The following CACNA1D variants were observed in gnomAD, a reference collection of about 807,000 sequenced individuals.
CACNA1D encodes the protein calcium voltage-gated channel subunit alpha1 D.
A neutral mutation model predicts 257.1 loss-of-function variants in CACNA1D; 55 were observed. The ratio of observed to expected loss-of-function variants is 0.21; its 90% CI spans 0.17 to 0.27. The LOEUF is 0.27. Ranked by LOEUF, CACNA1D falls within the 10% of genes least tolerant of loss-of-function variation. The pLI is 1.00. For missense variants in CACNA1D, 1,876 were observed against 2,784.0 expected (o/e 0.67, Z 7.34); for synonymous variants, 980 against 1,014.9 (o/e 0.97, Z 0.65).
intron 3 of CACNA1D, among the ~76,000 whole-genome samples, chr3:53,502,255 G>A (rs116259816): frequency 1.3e-5 from 2 of 151,944 alleles, no homozygotes; most frequent in African/African-American, 4.8e-5. Flanking sequence ...TAATATTAAA[G>A]TTTCTACTCC....
rs967215889 is a variant in CACNA1D, at chr3:53,789,098, C to G, written c.4923+2146C>G. ...GCGGCAGGTTGTGGGTTAAAAGACT[C>G]TTTTTGTGTTGCAATAATGTTGAGG... On this transcript the variant is annotated intron_variant, in intron 40 of 47. Transcript: ENST00000350061. This position sits in a 1 kb window ranked among gnomAD's most constrained non-coding sequence, Gnocchi z 4.2. 2.0e-5 allele frequency among the ~76,000 whole-genome samples: 3 copies of G among 152,142 alleles called. No individual in the cohort carries two copies. The highest frequency in any genetic ancestry group is 4.4e-5 in the Non-Finnish European group (3 of 68,026).
chr3:53,804,014 G>T (rs904051937), intron 44 of CACNA1D, among the ~76,000 whole-genome samples: 3 of 152,186 alleles, frequency 2.0e-5, no homozygotes, highest in Non-Finnish European at 2.9e-5. Flanking sequence ...CCACTTCAAG[G>T]GGTCTCTCGG....
intron 8 of CACNA1D, among the ~76,000 whole-genome samples, chr3:53,682,386 A>AAAAAAAAAAAAAAAAAAAAAAAAC (rs2094440023): frequency 6.8e-6 from 1 of 147,226 alleles, no homozygotes; most frequent in Non-Finnish European, 1.5e-5. Context: ...AAAAAAAAAA[A>AAAAAAAAAAAAAAAAAAAAAAAAC]AAAAAAAAAA....
At chr3:53,640,807 C>G (rs569536737) in intron 3 of CACNA1D, among the ~76,000 whole-genome samples, 1 of 152,338 alleles carries the variant, frequency 6.6e-6, no homozygotes, top group Admixed American at 6.5e-5. Context: ...ACATGTGACA[C>G]TGCCTCAGGG....
At chr3:53,786,374 A>G (rs2095452967) in intron 39 of CACNA1D, 2 of 186,940 alleles carry the variant, frequency 1.1e-5, no homozygotes, top group Admixed American at 5.4e-5. Context: ...CTAGGTCTCT[A>G]TCTTGAGACA....
intron 9 of CACNA1D, among the ~76,000 whole-genome samples, chr3:53,711,774 TA>T (rs979472274): frequency 7.9e-5 from 12 of 152,206 alleles, no homozygotes; most frequent in Non-Finnish European, 1.2e-4. Context: ...TCAGAAGGCC[TA>T]AAAGTGAAAA....
chr3:53,744,642 A>G (rs2095150359), intron 22 of CACNA1D, 98 bp from the exon 23 acceptor site: 1 of 798,090 alleles, frequency 1.3e-6, no homozygotes, highest in Non-Finnish European at 2.3e-6. Context: ...CTAACTGTGC[A>G]GGGATACTAA....
chr3:53,520,569 C>T (rs2091514263), intron 3 of CACNA1D, among the ~76,000 whole-genome samples: 2 of 152,176 alleles, frequency 1.3e-5, no homozygotes, highest in South Asian at 4.1e-4. Context: ...AGTTCGAGAC[C>T]AGCCTGGCCA....
intron 10 of CACNA1D, chr3:53,718,833 C>A: frequency 8.7e-7 from 1 of 1,148,992 alleles, no homozygotes; most frequent in Non-Finnish European, 1.3e-6. Context: ...GAATGTGCTA[C>A]GTATTTAAGT....
chr3:53,666,737 C>T (rs1183907382), intron 7 of CACNA1D, among the ~76,000 whole-genome samples: 5 of 152,140 alleles, frequency 3.3e-5, no homozygotes, highest in East Asian at 1.9e-4. Context: ...AGCTGCTGCG[C>T]GATGTTGGCT....
At chr3:53,788,850 C>T (rs1377131015) in intron 40 of CACNA1D, among the ~76,000 whole-genome samples, 1 of 152,180 alleles carries the variant, frequency 6.6e-6, no homozygotes, top group Non-Finnish European at 1.5e-5. Flanking sequence ...CTTGCATTTT[C>T]TGTGAGAGGC....
intron 30 of CACNA1D, chr3:53,762,657 T>C: frequency 2.2e-6 from 1 of 456,592 alleles, no homozygotes; most frequent in South Asian, 1.5e-5. Flanking sequence ...CTTTGTGTCC[T>C]ATATCATGGT....
chr3:53,613,380 G>A (rs116307006), intron 3 of CACNA1D, among the ~76,000 whole-genome samples: 1 of 152,132 alleles, frequency 6.6e-6, no homozygotes, highest in Non-Finnish European at 1.5e-5. Flanking sequence ...TCTCAGTAAT[G>A]ATAGTTGTTC....
intron 46 of CACNA1D, 58 bp from the exon 47 acceptor site, chr3:53,809,920 G>T (rs1381826887): frequency 6.5e-7 from 1 of 1,539,840 alleles, no homozygotes; most frequent in East Asian, 2.2e-5. Context: ...TGCGCAGAAG[G>T]TTTGAGGCCC....
At chr3:53,532,017 C>T (rs906495921) in intron 3 of CACNA1D, among the ~76,000 whole-genome samples, 4 of 152,268 alleles carry the variant, frequency 2.6e-5, no homozygotes, top group Middle Eastern at 3.4e-3. Context: ...ACTCAGTAAG[C>T]GCTCTCCCAA....
rs2095534256 is a variant in CACNA1D, at chr3:53,801,227, GTCATAACCA to G, written c.5221_5229del (p.His1741_His1743del). 2 of 1,613,954 alleles carry G rather than the reference GTCATAACCA, an allele frequency of 1.2e-6. No homozygotes were observed. Among genetic ancestry groups the G allele is most frequent in the Non-Finnish European group, 1.7e-6 (2 of 1,179,990 alleles). On this transcript the variant is annotated inframe_deletion, in exon 42 of 48. Coordinates refer to ENST00000350061, the MANE Select transcript of CACNA1D (RefSeq NM_001128840.3). ...TTTCCTCCAGCAGGAAATTCGGTGT[GTCATAACCA>G]TCATAACCATAATTCCATAGGAAAG...
chr3:53,701,386 C>T (rs1352756985), intron 8 of CACNA1D, among the ~76,000 whole-genome samples: 1 of 152,180 alleles, frequency 6.6e-6, no homozygotes, highest in Non-Finnish European at 1.5e-5. Flanking sequence ...CCCACCTTGG[C>T]TTCCCAAAGT....
intron 8 of CACNA1D, among the ~76,000 whole-genome samples, chr3:53,700,975 G>C (rs2633732): frequency 0.048 from 7,256 of 150,714 alleles, 589 homozygotes; most frequent in African/African-American, 0.17. Context: ...CTCTGTCTGA[G>C]TGGGATTCTT....
At chr3:53,708,983 T>C (rs1458839383) in intron 9 of CACNA1D, among the ~76,000 whole-genome samples, 1 of 152,222 alleles carries the variant, frequency 6.6e-6, no homozygotes, top group Admixed American at 6.5e-5. Context: ...ATTGCCATTA[T>C]AAAAACTGCT....
Sources: gnomAD v4.1 joint callset for allele counts (sites outside exome capture counted in the v4.1 genomes callset) on GRCh38, gnomAD v4.1.1 for gene constraint, Gnocchi (gnomAD v3.1) non-coding constraint, MANE v1.5 for transcripts, NCBI Gene and HGNC (gene_info 2026-07-23, HGNC 2026-07-21) for gene names.